ZNF513: variants seen among roughly 807,000 people sequenced by gnomAD.
The protein encoded by ZNF513 is zinc finger protein 513.
A neutral mutation model predicts 39.7 loss-of-function variants in ZNF513; 16 were observed. That is an observed-to-expected ratio of 0.40 (90% CI 0.27 to 0.61). The LOEUF (loss-of-function observed/expected upper bound fraction) is 0.61, where lower values mean the gene tolerates loss of function less well. Among genes scored for constraint, ZNF513 ranks in the 20% least tolerant of loss-of-function variants. ZNF513 has a pLI of 0.39. For missense variants in ZNF513, 699 were observed against 743.6 expected, an observed-to-expected ratio of 0.94 and a Z score of 0.70; for synonymous variants, 348 against 296.5, an observed-to-expected ratio of 1.17 and a Z score of -1.79.
rs184500376 is a variant in ZNF513 at position 27,378,871 on chromosome 2, C to G, written c.395G>C (p.Cys132Ser). 1,588 of 1,603,280 alleles carry G rather than the reference C, an allele frequency of 9.9e-4. 5 individuals carry two copies. Among genetic ancestry groups the G allele is most frequent in the Non-Finnish European group, 1.2e-3 (1,422 of 1,174,972 alleles). Reference sequence around the variant, plus strand: ...CCCACCCGGCCCTCCTGCCCCACAACACGGCCCCTCACCTGTCGGCCCCCC... The same window carrying G: ...CCCACCCGGCCCTCCTGCCCCACAAGACGGCCCCTCACCTGTCGGCCCCCC... ...LCGGPTGEGP[C>S]CGAGGPGGGP... Residue 132 changes from cysteine to serine, a missense_variant, in exon 3 of 4, where the codon TGT (cysteine) becomes TCT (serine). Transcript: ENST00000323703. The surrounding 1 kb of genome is among the most constrained non-coding windows in gnomAD (Gnocchi z 8.0).
In ZNF513 at chr2:27,378,639, G is replaced by T; in HGVS notation, c.627C>A (p.Pro209=). ...GGCTGCTGCAGGCAAAGGGGCAGTG[G>T]GGACAGCGGTAGGGCTTCTCGCCAG... The part of the protein sequence containing the change: ...THTGEKPYRC[P]HCPFACSSLG... Residue 209 remains proline, a synonymous_variant, in exon 3 of 4, where the codon CCC becomes CCA. Transcript: ENST00000323703. This position sits in a 1 kb window ranked among gnomAD's most constrained non-coding sequence, Gnocchi z 8.0. 1 of 1,613,940 alleles carries T rather than the reference G, an allele frequency of 6.2e-7. No individual in the cohort carries two copies.
intron 2 of ZNF513, 141 bp downstream of exon 2, chr2:27,379,952 A>C: frequency 8.7e-7 from 1 of 1,154,976 alleles, no homozygotes; most frequent in Non-Finnish European, 1.3e-6. Flanking sequence ...ACCATTAAAC[A>C]AATGAAGTCA....
Position 27,380,465 on chromosome 2 carries a change from C to T in ZNF513, c.55+7G>A, listed in dbSNP as rs765852534. ...CTCCTCTCCCCTCAAGGCCCCTGACCCCTGACCTTTGACCCCCTCGCATTT... is the reference window on the plus strand; with the variant it reads ...CTCCTCTCCCCTCAAGGCCCCTGACTCCTGACCTTTGACCCCCTCGCATTT... On this transcript the variant is annotated splice_region_variant and intron_variant, in intron 1 of 3. Coordinates refer to ENST00000323703, the MANE Select transcript of ZNF513 (RefSeq NM_144631.6). 2.5e-6 allele frequency: 4 copies of T among 1,596,068 alleles called. No homozygotes were observed. The African/African-American group carries it at 4.0e-5, about 16-fold the overall frequency.
chr2:27,379,884 C>G (rs1207785947), intron 2 of ZNF513, among the ~76,000 whole-genome samples: 1 of 152,196 alleles, frequency 6.6e-6, no homozygotes, highest in Non-Finnish European at 1.5e-5. Context: ...CCTCCTATTC[C>G]TATCACCTTT....
At position 27,377,478 on chromosome 2, in the gene ZNF513, G is replaced by A. The variant is rs775007132; in HGVS notation, c.*67C>T. 3 of 1,554,194 alleles carry A rather than the reference G, an allele frequency of 1.9e-6. No individual in the cohort carries two copies. Among genetic ancestry groups the A allele is most frequent in the Non-Finnish European group, 2.7e-6 (3 of 1,130,386 alleles). ...CTACGTTAGTCTGTGTGGAGCCCCT[G>A]GCCAGCGGGGGAGAAAAAGGTGGCT... is the stretch of plus-strand genomic sequence containing the variant. On this transcript the variant is annotated 3_prime_UTR_variant, in exon 4 of 4. Transcript: ENST00000323703. The surrounding 1 kb of genome is among the most constrained non-coding windows in gnomAD (Gnocchi z 4.4).
At position 27,377,947 on chromosome 2, in the gene ZNF513, G is replaced by A. The variant is rs61995753; in HGVS notation, c.1224C>T (p.Arg408=). ...TGTAGGGCTTCTCTCCTGTATGGAC[G>A]CGCTGGTGCCGTTTCAGGTTATCCA... ...AHLDNLKRHQ[R]VHTGEKPYKC... is the part of the protein sequence containing the mutation. Residue 408 remains arginine (R), a synonymous_variant, in exon 4 of 4, where the codon CGC becomes CGT. Coordinates refer to ENST00000323703, the MANE Select transcript of ZNF513 (RefSeq NM_144631.6). The surrounding 1 kb of genome is among the most constrained non-coding windows in gnomAD (Gnocchi z 4.4). 0.013 allele frequency: 21,181 copies of A among 1,613,966 alleles called. 155 individuals are homozygous for A. Among genetic ancestry groups the A allele is most frequent in the Middle Eastern group, 0.038 (228 of 6,062 alleles).
rs2148410619 is a variant in ZNF513 at position 27,377,404 on chromosome 2, GT to G, written c.*140del. ...GCCTCAGTCAAGGCAAGGTCCCCTG[GT>G]CCATATGGGCCCCCCCGCCCATGGG... On this transcript the variant is annotated 3_prime_UTR_variant, in exon 4 of 4. Coordinates refer to ENST00000323703, the MANE Select transcript of ZNF513 (RefSeq NM_144631.6). This position sits in a 1 kb window ranked among gnomAD's most constrained non-coding sequence, Gnocchi z 4.4. The G allele has an allele frequency of 1.1e-6, 1 of 900,278 alleles. No individual in the cohort carries two copies. The highest frequency in any genetic ancestry group is 1.8e-6 in the Non-Finnish European group (1 of 564,872). 55.8% of individuals were successfully genotyped at this position (900,278 alleles called of 1,614,324 possible). A position where few individuals can be genotyped will look rare whatever the true frequency, so the allele number is the denominator to read the frequency against.
chr2:27,379,972 A>G, intron 2 of ZNF513, 121 bp downstream of exon 2: 3 of 1,334,984 alleles, frequency 2.2e-6, no homozygotes, highest in Non-Finnish European at 3.2e-6. Context: ...ATCTAGCTCA[A>G]ATGTAAACTA....
chr2:27,380,132 T>TGCCGTC lies in ZNF513; in HGVS notation c.166_171dup (p.Asp56_Gly57dup). 6.2e-7 allele frequency: 1 copy of TGCCGTC among 1,614,126 alleles called. No homozygotes were observed. The highest frequency in any genetic ancestry group is 8.5e-7 in the Non-Finnish European group (1 of 1,180,008). Reference sequence around the variant, plus strand: ...TCGAAGCCCATGAGCTGGTCACTGTTGCCGTCGCCTTCCTCCTCTTCCTCT... The same window carrying TGCCGTC: ...TCGAAGCCCATGAGCTGGTCACTGTTGCCGTCGCCGTCGCCTTCCTCCTCTTCCTCT... On this transcript the variant is annotated inframe_insertion, in exon 2 of 4. Transcript: ENST00000323703.
In ZNF513 at chr2:27,380,260, AG is replaced by A; in HGVS notation, c.56-13del. The A allele has an allele frequency of 6.2e-7, 1 of 1,613,510 alleles. No homozygotes were observed. The highest frequency in any genetic ancestry group is 1.1e-5 in the South Asian group (1 of 91,052). On this transcript the variant is annotated splice_polypyrimidine_tract_variant and intron_variant, in intron 1 of 3. Transcript: ENST00000323703. ...GTCTTCAGTATCCACTGAAGAGGGG[AG>A]GGGGCTTGTGGATTCTCCCTCAGGA...
rs1411506971 is a variant in ZNF513, at chr2:27,378,483, C to A, written c.783G>T (p.Val261=). The A allele has an allele frequency of 6.2e-7, 1 of 1,614,138 alleles. No individual in the cohort carries two copies. ...GTGTCTTACCTTCAGGTCGCCGGGG[C>A]ACCGCCCCCTCCTGCTCTGTGGGAC... ...PPSPTEQEGA[V]PRRPEDALLL... The change falls in exon 3 of 4, where the codon GTG becomes GTT. Residue 261 remains valine, a synonymous_variant. Coordinates refer to ENST00000323703, the MANE Select transcript of ZNF513 (RefSeq NM_144631.6). The surrounding 1 kb of genome is among the most constrained non-coding windows in gnomAD (Gnocchi z 8.0).
chr2:27,380,612 T>C lies in ZNF513; in HGVS notation c.-86A>G, dbSNP rs1683577043. ...TCTCGGCCCGCCTGTCTGCCCTTCC[T>C]CTCAGGGCCCGCGGGCCGCCCCCAT... On this transcript the variant is annotated 5_prime_UTR_variant, in exon 1 of 4. Transcript: ENST00000323703. 6.6e-7 allele frequency: 1 copy of C among 1,514,602 alleles called. No homozygotes were observed. The highest frequency in any genetic ancestry group is 2.1e-5 in the Admixed American group (1 of 46,712). 93.8% of individuals were successfully genotyped at this position (1,514,602 alleles called of 1,614,324 possible).
At chr2:27,379,550 A>T (rs947766085) in intron 2 of ZNF513, among the ~76,000 whole-genome samples, 1 of 152,230 alleles carries the variant, frequency 6.6e-6, no homozygotes, top group African/African-American at 2.4e-5. Flanking sequence ...TAAAGAACAG[A>T]TATTTACATG....
At position 27,377,802 on chromosome 2, in the gene ZNF513, T is replaced by C; in HGVS notation, c.1369A>G (p.Met457Val). ...CGCAGCATGTGACGTTTGAGGTTCA[T>C]GCTCTGGTTGCAGCTGTAGTTGCAA... ...SLCNYSCNQSMNLKRHMLRHT... is the reference protein window; with the variant it reads ...SLCNYSCNQSVNLKRHMLRHT... Residue 457 changes from methionine to valine, a missense_variant, in exon 4 of 4, where the codon ATG becomes GTG. Met to Val is a conservative substitution (Grantham distance 21). Coordinates refer to ENST00000323703, the MANE Select transcript of ZNF513 (RefSeq NM_144631.6). The surrounding 1 kb of genome is among the most constrained non-coding windows in gnomAD (Gnocchi z 4.4). The C allele has an allele frequency of 6.2e-7, 1 of 1,614,132 alleles. No individual in the cohort carries two copies.
At chr2:27,379,761 A>G (rs749658179) in intron 2 of ZNF513, among the ~76,000 whole-genome samples, 25 of 152,226 alleles carry the variant, frequency 1.6e-4, no homozygotes, top group Non-Finnish European at 1.9e-4. Flanking sequence ...TGAATGATTT[A>G]CAGAGAGTTT....
Position 27,379,893 on chromosome 2 carries a change from T to C in ZNF513, c.211+200A>G, listed in dbSNP as rs114557147. On this transcript the variant is annotated intron_variant, in intron 2 of 3. Transcript: ENST00000323703. ...ACCCACCCTCCTATTCCTATCACCT[T>C]TGACCAGGCCTCAGAACTTCACCTC... Among the ~76,000 whole-genome samples the C allele has an allele frequency of 2.4e-3, 365 of 152,308 alleles. 1 individual carries two copies. Among genetic ancestry groups the C allele is most frequent in the African/African-American group, 8.3e-3 (345 of 41,566 alleles).
Position 27,378,435 on chromosome 2 carries a change from T to G in ZNF513, c.799+32A>C, listed in dbSNP as rs766990016. 37 of 1,613,538 alleles carry G rather than the reference T, an allele frequency of 2.3e-5. No homozygotes were observed. Among genetic ancestry groups the G allele is most frequent in the Admixed American group, 1.0e-4 (6 of 60,010 alleles). On this transcript the variant is annotated intron_variant, in intron 3 of 3. Transcript: ENST00000323703. The surrounding 1 kb of genome is among the most constrained non-coding windows in gnomAD (Gnocchi z 8.0). ...GCATTCCTAGGGTCAGCCACCCATG[T>G]CCCAAGATCTTTGGTCCCTGGTGTG... is the stretch of plus-strand genomic sequence containing the variant.
Position 27,380,549 on chromosome 2 carries a change from CGCCTCCG to C in ZNF513, c.-30_-24del, listed in dbSNP as rs1002035250. 16 of 1,554,186 alleles carry C rather than the reference CGCCTCCG, an allele frequency of 1.0e-5. No homozygotes were observed. Among genetic ancestry groups the C allele is most frequent in the African/African-American group, 9.6e-5 (7 of 73,248 alleles). On this transcript the variant is annotated 5_prime_UTR_variant, in exon 1 of 4. Coordinates refer to ENST00000323703, the MANE Select transcript of ZNF513 (RefSeq NM_144631.6). ...CATCGTGACCGGCTCCAGCCCGACG[CGCCTCCG>C]GCCTGCGGCCGCCCGACCCCGCCCC... is the stretch of plus-strand genomic sequence containing the variant.
At position 27,377,891 on chromosome 2, in the gene ZNF513, T is replaced by C. The variant is rs1410703146; in HGVS notation, c.1280A>G (p.Asn427Ser). The change falls in exon 4 of 4, where the codon AAT (asparagine) becomes AGT (serine). Residue 427 changes from asparagine (N) to serine (S), a missense_variant. This residue lies in a region of ZNF513 where 98 missense variants were observed against 180.2 expected (regional missense o/e 0.54). Coordinates refer to ENST00000323703, the MANE Select transcript of ZNF513 (RefSeq NM_144631.6). The surrounding 1 kb of genome is among the most constrained non-coding windows in gnomAD (Gnocchi z 4.4). ...KCPLCPYACG[N>S]LANLKRHGRI... ...ACCATGACGCTTGAGGTTGGCCAGA[T>C]TGCCACAGGCATAAGGGCAGAGGGG... The C allele has an allele frequency of 8.7e-6, 14 of 1,614,066 alleles. No homozygotes were observed. Among genetic ancestry groups the C allele is most frequent in the East Asian group, 2.2e-5 (1 of 44,890 alleles).
Sources: allele counts gnomAD v4.1 joint callset (sites outside exome capture counted in the v4.1 genomes callset), GRCh38; gene constraint gnomAD v4.1.1; regional missense constraint gnomAD v4.1.1; non-coding constraint Gnocchi (gnomAD v3.1); transcripts MANE v1.5; gene names NCBI Gene and HGNC (gene_info 2026-07-23, HGNC 2026-07-21).